DIS3L2: variants seen among roughly 807,000 people sequenced by gnomAD.
The protein encoded by DIS3L2 is DIS3 like 3'-5' exoribonuclease 2.
In DIS3L2, 34 loss-of-function variants were observed where a neutral mutation model predicts 97.5. The observed-to-expected ratio is 0.35, with a 90% CI of 0.27 to 0.46. DIS3L2 has a LOEUF of 0.46. DIS3L2 is among the 20% of genes least tolerant of loss of function. The pLI, the probability that DIS3L2 is intolerant of heterozygous loss-of-function variation, is 1.00. For synonymous variants in DIS3L2, 435 were observed against 445.2 expected (o/e 0.98, Z 0.29); for missense variants, 1,038 against 1,146.0 (o/e 0.91, Z 1.36).
At position 232,333,869 on chromosome 2, in the gene DIS3L2, G is replaced by T. The variant is rs751823544; in HGVS notation, c.2040G>T (p.Leu680=). 6.8e-6 allele frequency: 11 copies of T among 1,612,572 alleles called. No homozygotes were observed. The highest frequency in any genetic ancestry group is 8.5e-6 in the Non-Finnish European group (10 of 1,179,848). ...QMALYFCSGL[L]QDPAQFRHYA... ...CACTGTACTTCTGCTCGGGGCTGCT[G>T]CAGGACCCAGCGCAGTTCCGGCACT... Residue 680 remains leucine, a synonymous_variant, in exon 17 of 21, where the codon CTG becomes CTT. Coordinates refer to ENST00000325385, the MANE Select transcript of DIS3L2 (RefSeq NM_152383.5).
chr2:232,175,936 C>T (rs1691139105), intron 9 of DIS3L2, among the ~76,000 whole-genome samples: 1 of 152,114 alleles, frequency 6.6e-6, no homozygotes, highest in Non-Finnish European at 1.5e-5. Flanking sequence ...GTTGTCCAAA[C>T]TGGAGTGCAG....
intron 11 of DIS3L2, among the ~76,000 whole-genome samples, chr2:232,248,541 T>C (rs1290490180): frequency 6.6e-6 from 1 of 152,240 alleles, no homozygotes; most frequent in African/African-American, 2.4e-5. Context: ...AGTCATCATT[T>C]GAAAGTAAGC....
intron 10 of DIS3L2, among the ~76,000 whole-genome samples, chr2:232,237,053 A>G (rs1392102917): frequency 6.6e-6 from 1 of 152,156 alleles, no homozygotes; most frequent in Non-Finnish European, 1.5e-5. Flanking sequence ...CCCAGCCTAT[A>G]TACTTATTTT....
intron 8 of DIS3L2, among the ~76,000 whole-genome samples, chr2:232,145,622 A>T (rs1190080968): frequency 6.6e-6 from 1 of 151,978 alleles, no homozygotes. Context: ...TTAATTCCTG[A>T]TTTTTTGATG....
chr2:232,012,843 T>C (rs1211478903), intron 1 of DIS3L2, among the ~76,000 whole-genome samples: 1 of 152,198 alleles, frequency 6.6e-6, no homozygotes, highest in African/African-American at 2.4e-5. Flanking sequence ...TATGCCCTCC[T>C]CTGTATCTGC....
intron 3 of DIS3L2, among the ~76,000 whole-genome samples, chr2:232,019,989 C>T (rs1032136706): frequency 2.0e-5 from 3 of 151,316 alleles, no homozygotes; most frequent in Admixed American, 2.0e-4. Flanking sequence ...AATGAATCAG[C>T]CAATTGAAGA....
rs542037177 is a variant in DIS3L2 at position 232,322,466 on chromosome 2, C to T, written c.1740-7347C>T. On this transcript the variant is annotated intron_variant, in intron 14 of 20. Transcript: ENST00000325385. The stretch of plus-strand genomic sequence containing the variant: ...CCATCTCCCTCTGTCACCTTAGGAC[C>T]ACAGTCCCCTCCCCATGCACTGGGT... Among the ~76,000 whole-genome samples the T allele has an allele frequency of 3.3e-5, 5 of 152,356 alleles. No homozygotes were observed. The South Asian group carries it at 1.0e-3, about 32-fold the overall frequency.
intron 16 of DIS3L2, among the ~76,000 whole-genome samples, chr2:232,333,627 C>A (rs542064178): frequency 6.6e-6 from 1 of 152,304 alleles, no homozygotes; most frequent in East Asian, 1.9e-4. Flanking sequence ...CATGGGTACC[C>A]CTGGGCTCTG....
intron 11 of DIS3L2, among the ~76,000 whole-genome samples, chr2:232,246,793 A>G (rs559881519): frequency 1.2e-5 from 1 of 86,832 alleles, no homozygotes; most frequent in East Asian, 3.6e-4. Context: ...ACATATAGAA[A>G]CAGATCAGGT....
chr2:232,182,525 T>C (rs1691319326), intron 9 of DIS3L2, among the ~76,000 whole-genome samples: 1 of 152,246 alleles, frequency 6.6e-6, no homozygotes, highest in East Asian at 1.9e-4. Context: ...TGTATTGATA[T>C]ATATTACAGT....
intron 14 of DIS3L2, among the ~76,000 whole-genome samples, chr2:232,324,889 G>A (rs1440560829): frequency 1.3e-5 from 2 of 152,216 alleles, no homozygotes; most frequent in African/African-American, 4.8e-5. Context: ...GCAAGCCACT[G>A]AGGAGAAGCC....
chr2:232,039,872 A>G (rs1277444536), intron 5 of DIS3L2, among the ~76,000 whole-genome samples: 1 of 152,202 alleles, frequency 6.6e-6, no homozygotes, highest in Non-Finnish European at 1.5e-5. Context: ...CCAAATGGTT[A>G]GGAAGCATTG....
chr2:232,130,436 G>T (rs1480926850), intron 6 of DIS3L2, among the ~76,000 whole-genome samples, 183 bp from the exon 7 acceptor site: 1 of 152,186 alleles, frequency 6.6e-6, no homozygotes, highest in African/African-American at 2.4e-5. Context: ...CTGAGGCTGA[G>T]TGCTCAGCCT....
In DIS3L2 at chr2:232,281,242, A is replaced by G. The variant is rs545438258; in HGVS notation, c.1659+17802A>G. On this transcript the variant is annotated intron_variant, in intron 13 of 20. Transcript: ENST00000325385. The surrounding 1 kb of genome is among the most constrained non-coding windows in gnomAD (Gnocchi z 4.1). ...GTGAAACCCCATCTCTACTAAAAAT[A>G]CAAAAAATTAGCCGGGCGTGGTGGC... 6.6e-6 allele frequency among the ~76,000 whole-genome samples: 1 copy of G among 152,260 alleles called. No individual in the cohort carries two copies. Among genetic ancestry groups the G allele is most frequent in the African/African-American group, 2.4e-5 (1 of 41,542 alleles).
At chr2:231,966,317 C>T (rs35632420) in intron 1 of DIS3L2, among the ~76,000 whole-genome samples, 20,262 of 151,722 alleles carry the variant, frequency 0.13, 1,836 homozygotes, top group South Asian at 0.34. Context: ...TACAAGCTCA[C>T]GCCACCACGC....
At chr2:232,279,291 T>C (rs1211565476) in intron 13 of DIS3L2, among the ~76,000 whole-genome samples, 1 of 152,216 alleles carries the variant, frequency 6.6e-6, no homozygotes, top group Non-Finnish European at 1.5e-5. Context: ...GTTTTTTATT[T>C]GTTTTGTTTT....
intron 8 of DIS3L2, among the ~76,000 whole-genome samples, chr2:232,157,929 C>T (rs920690784): frequency 6.6e-6 from 1 of 152,198 alleles, no homozygotes; most frequent in South Asian, 2.1e-4. Context: ...TTTCACTGTG[C>T]ACTCTCATGG....
At chr2:232,108,047 C>T (rs538100372) in intron 6 of DIS3L2, among the ~76,000 whole-genome samples, 2 of 152,210 alleles carry the variant, frequency 1.3e-5, no homozygotes, top group Admixed American at 6.5e-5. Context: ...CCAGCATCAA[C>T]GTGATACCAA....
At chr2:232,185,883 G>A (rs867926577) in intron 9 of DIS3L2, among the ~76,000 whole-genome samples, 41 of 148,306 alleles carry the variant, frequency 2.8e-4, no homozygotes, top group Admixed American at 6.7e-5. Flanking sequence ...TATGCCCAAA[G>A]TAAGCAGGAA....
Sources: gnomAD v4.1 joint callset for allele counts (sites outside exome capture counted in the v4.1 genomes callset) on GRCh38, gnomAD v4.1.1 for gene constraint, Gnocchi (gnomAD v3.1) non-coding constraint, MANE v1.5 for transcripts, NCBI Gene and HGNC (gene_info 2026-07-23, HGNC 2026-07-21) for gene names.